USP44: variants seen among roughly 807,000 people sequenced by gnomAD.
The protein encoded by USP44 is ubiquitin specific peptidase 44, also known as ubiquitin carboxyl-terminal hydrolase 44.
USP44 carries 61 observed loss-of-function variants against 69.0 expected under a neutral mutation model. The ratio of observed to expected loss-of-function variants is 0.88; its 90% CI spans 0.72 to 1.09. The LOEUF (loss-of-function observed/expected upper bound fraction) is 1.09. Ranked by LOEUF, USP44 falls within the 50% of genes least tolerant of loss-of-function variation. The pLI is 0.00. For synonymous variants in USP44, 297 were observed against 295.4 expected (o/e 1.01, Z -0.06); for missense variants, 753 against 849.9 (o/e 0.89, Z 1.42).
At chr12:95,544,815 C>T (rs922024457) in intron 1 of USP44, among the ~76,000 whole-genome samples, 1 of 152,098 alleles carries the variant, frequency 6.6e-6, no homozygotes, top group Non-Finnish European at 1.5e-5. Context: ...TTCCCCCCGC[C>T]ATAGCTCATA....
At chr12:95,526,990 T>G (rs558803888) in intron 3 of USP44, among the ~76,000 whole-genome samples, 18 of 152,222 alleles carry the variant, frequency 1.2e-4, no homozygotes, top group African/African-American at 4.1e-4. Context: ...TTCTGAGATT[T>G]TGGTGCACCC....
rs2140406497 is a variant in USP44, at chr12:95,548,772, A to C, written c.-71+2500T>G. Reference sequence around the variant, plus strand: ...CCGCGCGCCCTCGCGCACACTCACCAGCCCGAGCCGGGGCGGCCATCTTAG... The same window carrying C: ...CCGCGCGCCCTCGCGCACACTCACCCGCCCGAGCCGGGGCGGCCATCTTAG... On this transcript the variant is annotated intron_variant, in intron 1 of 5. Coordinates refer to ENST00000258499, the MANE Select transcript of USP44 (RefSeq NM_032147.5). This position sits in a 1 kb window ranked among gnomAD's most constrained non-coding sequence, Gnocchi z 4.1. 6.8e-6 allele frequency: 1 copy of C among 148,046 alleles called. No homozygotes were observed. 9.2% of individuals were successfully genotyped at this position (148,046 alleles called of 1,614,324 possible).
chr12:95,549,577 G>A (rs79820520), intron 1 of USP44, among the ~76,000 whole-genome samples: 5,993 of 152,242 alleles, frequency 0.039, 160 homozygotes, highest in East Asian at 0.11. Flanking sequence ...TGACAAAGCA[G>A]TTCTACTTTG....
At chr12:95,520,232 C>G (rs2076616235) in intron 5 of USP44, among the ~76,000 whole-genome samples, 1 of 151,746 alleles carries the variant, frequency 6.6e-6, no homozygotes, top group Non-Finnish European at 1.5e-5. Context: ...GTGGCTCATG[C>G]CTGTAATCCC....
chr12:95,540,001 C>T (rs2077336684), intron 1 of USP44, among the ~76,000 whole-genome samples: 1 of 152,202 alleles, frequency 6.6e-6, no homozygotes, highest in Non-Finnish European at 1.5e-5. Context: ...ACTCAAATTA[C>T]AGCCCTTTGT....
chr12:95,518,013 TAAAA>T lies in USP44; in HGVS notation c.*137_*140del, dbSNP rs367951165. ...AGTTGATATATACATTTATACTTTG[TAAAA>T]AAAAAAATTGTTAGATATAAAATGT... is the stretch of plus-strand genomic sequence containing the variant. On this transcript the variant is annotated 3_prime_UTR_variant, in exon 6 of 6. Transcript: ENST00000258499. 8.0e-6 allele frequency: 6 copies of T among 748,288 alleles called. No individual in the cohort carries two copies. Among genetic ancestry groups the T allele is most frequent in the Admixed American group, 7.1e-5 (2 of 28,274 alleles). The allele number at this position is 748,288 out of a possible 1,614,324, so 46.4% of individuals were successfully genotyped here.
upstream of USP44, chr12:95,551,574 C>T (rs1190071188): frequency 6.5e-6 from 1 of 152,690 alleles, no homozygotes; most frequent in East Asian, 1.9e-4. Flanking sequence ...AGTTCTGAGC[C>T]TGCTTCTATT....
chr12:95,517,890 C>T lies in USP44; in HGVS notation c.*264G>A, dbSNP rs1010283927. The T allele has an allele frequency of 5.3e-5, 15 of 284,630 alleles. No individual in the cohort carries two copies. The highest frequency in any genetic ancestry group is 7.2e-5 in the Non-Finnish European group (11 of 152,906). The allele number at this position is 284,630 out of a possible 1,614,324, so 17.6% of individuals were successfully genotyped here. On this transcript the variant is annotated 3_prime_UTR_variant, in exon 6 of 6. Coordinates refer to ENST00000258499, the MANE Select transcript of USP44 (RefSeq NM_032147.5). ...TAGAAGATTGCACAAGTTCATCATC[C>T]GAGCCAATTAAGACATAAAAATATA...
rs200006062 is a variant in USP44 at position 95,528,925 on chromosome 12, C to T, written c.1506G>A (p.Arg502=). ...FWDLSLEFPE[R]YQCSGKDIAS... Reference sequence around the variant, plus strand: ...CAATATCTTTTCCACTGCATTGATACCTTTCTGGAAACTCCAATGACAAGT... The same window carrying T: ...CAATATCTTTTCCACTGCATTGATATCTTTCTGGAAACTCCAATGACAAGT... Residue 502 remains arginine, a synonymous_variant, in exon 3 of 6, where the codon AGG becomes AGA. Coordinates refer to ENST00000258499, the MANE Select transcript of USP44 (RefSeq NM_032147.5). 1.9e-6 allele frequency: 3 copies of T among 1,614,018 alleles called. No individual in the cohort carries two copies. The South Asian group carries it at 3.3e-5, about 18-fold the overall frequency.
chr12:95,525,045 G>C (rs1309561001), intron 3 of USP44, among the ~76,000 whole-genome samples: 1 of 152,162 alleles, frequency 6.6e-6, no homozygotes, highest in African/African-American at 2.4e-5. Context: ...CATATAATGT[G>C]ATAGAACAAA....
chr12:95,549,332 G>A (rs1044816909), intron 1 of USP44, among the ~76,000 whole-genome samples: 1 of 152,188 alleles, frequency 6.6e-6, no homozygotes, highest in Non-Finnish European at 1.5e-5. Context: ...TCGCACCGCA[G>A]AAGGGCGAGA....
intron 2 of USP44, among the ~76,000 whole-genome samples, chr12:95,530,391 C>A (rs897762633): frequency 6.6e-6 from 1 of 151,906 alleles, no homozygotes; most frequent in African/African-American, 2.4e-5. Flanking sequence ...GAGGCCAAAG[C>A]GGGAGGGCTG....
intron 4 of USP44, chr12:95,524,412 G>A (rs925022040): frequency 6.9e-5 from 14 of 203,798 alleles, no homozygotes; most frequent in Admixed American, 1.8e-4. Flanking sequence ...TGGGTGGATC[G>A]CTTGAGCCCA....
At chr12:95,524,899 C>T in intron 3 of USP44, 111 bp from the exon 4 acceptor site, 1 of 1,006,608 alleles carries the variant, frequency 9.9e-7, no homozygotes, top group South Asian at 1.7e-5. Context: ...TACTGTGTTC[C>T]AGGCATTGTA....
In USP44 at chr12:95,529,281, C is replaced by T. The variant is rs188904610; in HGVS notation, c.1429-279G>A. Among the ~76,000 whole-genome samples the T allele has an allele frequency of 3.3e-5, 5 of 152,134 alleles. No homozygotes were observed. In the East Asian group the frequency reaches 7.7e-4, roughly 23 times the overall value. On this transcript the variant is annotated intron_variant, in intron 2 of 5. Transcript: ENST00000258499. ...TAGGTAAAAATCCAAACTGTGGACACACTGAATAGAAACACACTATGTATA... is the reference window on the plus strand; with the variant it reads ...TAGGTAAAAATCCAAACTGTGGACATACTGAATAGAAACACACTATGTATA...
intron 1 of USP44, among the ~76,000 whole-genome samples, chr12:95,536,248 G>GC (rs1342461145): frequency 6.6e-6 from 1 of 151,738 alleles, no homozygotes; most frequent in Non-Finnish European, 1.5e-5. Flanking sequence ...TCACCATGTT[G>GC]CCCAGGCTGG....
At chr12:95,542,444 G>A (rs1007177199) in intron 1 of USP44, among the ~76,000 whole-genome samples, 2 of 152,120 alleles carry the variant, frequency 1.3e-5, no homozygotes, top group Non-Finnish European at 2.9e-5. Flanking sequence ...TTAACTGCAG[G>A]TCATCCTCTT....
At position 95,518,320 on chromosome 12, in the gene USP44, C is replaced by T; in HGVS notation, c.1973G>A (p.Ser658Asn). The T allele has an allele frequency of 2.5e-6, 4 of 1,614,136 alleles. No homozygotes were observed. Among genetic ancestry groups the T allele is most frequent in the Non-Finnish European group, 8.5e-7 (1 of 1,180,024 alleles). The part of the protein sequence containing the change: ...FWVHCNDSKL[S>N]MCTMDEVCKA... The stretch of plus-strand genomic sequence containing the variant: ...GCATACTTCATCCATAGTGCACATG[C>T]TTAGTTTGGAATCATTGCAGTGTAC... Residue 658 changes from serine to asparagine, a missense_variant, in exon 6 of 6, where the codon AGC (serine) becomes AAC (asparagine). By Grantham distance (46) the Ser-to-Asn change is conservative. Coordinates refer to ENST00000258499, the MANE Select transcript of USP44 (RefSeq NM_032147.5).
At chr12:95,521,600 C>G (rs751277306) in intron 4 of USP44, among the ~76,000 whole-genome samples, 6 of 152,176 alleles carry the variant, frequency 3.9e-5, no homozygotes, top group Non-Finnish European at 8.8e-5. Context: ...CTCTCAGGTT[C>G]AAGCCATTTT....
Sources: gnomAD v4.1 joint callset for allele counts (sites outside exome capture counted in the v4.1 genomes callset) on GRCh38, gnomAD v4.1.1 for gene constraint, Gnocchi (gnomAD v3.1) non-coding constraint, MANE v1.5 for transcripts, NCBI Gene and HGNC (gene_info 2026-07-23, HGNC 2026-07-21) for gene names.